The following CUX1 variants were observed in gnomAD, a reference collection of about 807,000 sequenced individuals.
CUX1 encodes protein CASP.
A neutral mutation model predicts 158.8 loss-of-function variants in CUX1; 31 were observed. The observed-to-expected ratio is 0.20, with a 90% CI of 0.15 to 0.26. The LOEUF (loss-of-function observed/expected upper bound fraction) is 0.26, where lower values mean the gene tolerates loss of function less well. Ranked by LOEUF, CUX1 falls within the 10% of genes least tolerant of loss-of-function variation. The pLI is 1.00. For synonymous variants in CUX1, 879 were observed against 862.1 expected (o/e 1.02, Z -0.34); for missense variants, 1,589 against 2,014.6 (o/e 0.79, Z 4.04).
chr7:102,154,812 G>C (rs1446533785), intron 8 of CUX1, among the ~76,000 whole-genome samples: 1 of 152,134 alleles, frequency 6.6e-6, no homozygotes, highest in East Asian at 1.9e-4. Context: ...AAAATAGCCA[G>C]AATTAAAGAA....
At chr7:101,856,366 C>A (rs866230747) in intron 1 of CUX1, among the ~76,000 whole-genome samples, 2 of 152,096 alleles carry the variant, frequency 1.3e-5, no homozygotes, top group Non-Finnish European at 2.9e-5. Context: ...TGCGTCTTCA[C>A]CTATTTCCCT....
intron 23 of CUX1, among the ~76,000 whole-genome samples, chr7:102,246,639 G>A (rs1425148176): frequency 6.6e-6 from 1 of 151,520 alleles, no homozygotes; most frequent in African/African-American, 2.4e-5. Flanking sequence ...TGGCAGTCTT[G>A]GCTCACTGTA....
chr7:102,098,106 C>T (rs1554484969), intron 5 of CUX1, among the ~76,000 whole-genome samples: 2 of 152,372 alleles, frequency 1.3e-5, no homozygotes, highest in East Asian at 1.9e-4. Flanking sequence ...AATCCAGAGG[C>T]ACTCAGGATC....
At chr7:102,221,528 C>T (rs551190141) in intron 20 of CUX1, among the ~76,000 whole-genome samples, 3 of 152,192 alleles carry the variant, frequency 2.0e-5, no homozygotes, top group Non-Finnish European at 4.4e-5. Flanking sequence ...GATGTATCTC[C>T]GAGAATTACG....
intron 23 of CUX1, among the ~76,000 whole-genome samples, chr7:102,244,330 C>CAA (rs11394338): frequency 1.2e-3 from 175 of 149,866 alleles, no homozygotes; most frequent in Middle Eastern, 3.4e-3. Flanking sequence ...TTTGCCCCCT[C>CAA]AAAAAAAAAA....
chr7:101,973,386 GC>G (rs1424177449), intron 2 of CUX1, among the ~76,000 whole-genome samples: 3 of 152,092 alleles, frequency 2.0e-5, no homozygotes, highest in African/African-American at 7.2e-5. Flanking sequence ...TTCCACCACT[GC>G]CCCCCAGCCC....
intron 2 of CUX1, among the ~76,000 whole-genome samples, chr7:102,017,762 G>T (rs56298472): frequency 6.6e-6 from 1 of 152,128 alleles, no homozygotes; most frequent in East Asian, 1.9e-4. Context: ...CATGAGAATC[G>T]CTTGAGCCTG....
chr7:102,128,089 C>A (rs1832839958), intron 8 of CUX1, among the ~76,000 whole-genome samples: 1 of 152,238 alleles, frequency 6.6e-6, no homozygotes, highest in Non-Finnish European at 1.5e-5. Context: ...CGGCCCACTT[C>A]AGCCTCCAGA....
intron 9 of CUX1, among the ~76,000 whole-genome samples, chr7:102,166,925 A>G (rs1288922171): frequency 6.6e-6 from 1 of 152,144 alleles, no homozygotes; most frequent in Admixed American, 6.6e-5. Context: ...CCACAGAGAG[A>G]CTGTCCGTGA....
chr7:102,283,074 G>A, exon 23 of CUX1: 1 of 1,613,630 alleles, frequency 6.2e-7, no homozygotes, highest in Non-Finnish European at 8.5e-7. Context: ...GCTGCGGCTG[G>A]TGACTTGTGG....
intron 3 of CUX1, among the ~76,000 whole-genome samples, chr7:102,043,323 C>CTGTGTGTGTGTGTGTGTGTG (rs57276921): frequency 4.3e-5 from 6 of 139,154 alleles, no homozygotes; most frequent in East Asian, 4.4e-4. Flanking sequence ...CATTAGCTCA[C>CTGTGTGTGTGTGTGTGTGTG]TGTGTGTGTG....
At chr7:102,193,031 A>G (rs1794444568) in intron 12 of CUX1, among the ~76,000 whole-genome samples, 1 of 152,152 alleles carries the variant, frequency 6.6e-6, no homozygotes, top group East Asian at 1.9e-4. Context: ...CTCTTGCCAC[A>G]TCTTTGTCAT....
chr7:101,966,110 G>A (rs945343005), intron 2 of CUX1, among the ~76,000 whole-genome samples: 3 of 151,980 alleles, frequency 2.0e-5, no homozygotes, highest in African/African-American at 7.2e-5. Flanking sequence ...TGTTGCCCAG[G>A]CTGGAGTGCA....
intron 2 of CUX1, among the ~76,000 whole-genome samples, chr7:101,925,434 G>A (rs536960456): frequency 6.6e-6 from 1 of 152,282 alleles, no homozygotes; most frequent in African/African-American, 2.4e-5. Flanking sequence ...TATAGAGATA[G>A]AAACCCCCAG....
At chr7:102,104,760 T>G (rs1830159053) in intron 6 of CUX1, among the ~76,000 whole-genome samples, 1 of 151,772 alleles carries the variant, frequency 6.6e-6, no homozygotes, top group South Asian at 2.1e-4. Context: ...CCAGGCATGG[T>G]GGCGCACGTC....
At chr7:101,993,307 G>A (rs994718831) in intron 2 of CUX1, among the ~76,000 whole-genome samples, 3 of 151,704 alleles carry the variant, frequency 2.0e-5, no homozygotes, top group African/African-American at 7.3e-5. Context: ...TCCAGCCTGG[G>A]TGACAGAGTG....
At chr7:102,242,963 G>A (rs1554535476) in intron 23 of CUX1, among the ~76,000 whole-genome samples, 1 of 152,148 alleles carries the variant, frequency 6.6e-6, no homozygotes, top group Non-Finnish European at 1.5e-5. Flanking sequence ...TCAAAACTTA[G>A]TAAGTAAAAT....
intron 2 of CUX1, among the ~76,000 whole-genome samples, chr7:101,926,492 G>A (rs939442743): frequency 3.3e-5 from 5 of 152,128 alleles, no homozygotes; most frequent in Admixed American, 3.3e-4. Context: ...GGAAGAGGAG[G>A]TTGCCTGGGC....
intron 3 of CUX1, among the ~76,000 whole-genome samples, chr7:102,059,810 T>A (rs1824583959): frequency 6.6e-6 from 1 of 152,084 alleles, no homozygotes; most frequent in African/African-American, 2.4e-5. Flanking sequence ...AACTACCCTA[T>A]CATATCCCTG....
Sources: allele counts gnomAD v4.1 joint callset (sites outside exome capture counted in the v4.1 genomes callset), GRCh38; gene constraint gnomAD v4.1.1; transcripts MANE v1.5; gene names NCBI Gene and HGNC (gene_info 2026-07-23, HGNC 2026-07-21).